The following CRB1 variants were observed in gnomAD, a reference collection of about 807,000 sequenced individuals.
CRB1 encodes the protein protein crumbs homolog 1.
Under a neutral mutation model 120.0 loss-of-function variants are expected in CRB1, and 83 were observed. The ratio of observed to expected loss-of-function variants is 0.69; its 90% CI spans 0.58 to 0.83. The LOEUF is 0.83. CRB1 is among the 40% of genes least tolerant of loss of function. CRB1 has a pLI of 0.00. For missense variants in CRB1, 1,699 were observed against 1,687.6 expected (o/e 1.01, Z -0.12); for synonymous variants, 625 against 612.5 (o/e 1.02, Z -0.30).
chr1:197,250,681 T>A, the CRB1 span, among the ~76,000 whole-genome samples: 5 of 152,162 alleles, frequency 3.3e-5, no homozygotes, highest in East Asian at 9.7e-4. Flanking sequence ...GTTGGTATTA[T>A]AGTACCTGCC....
At chr1:197,339,905 A>T (rs370797449) in intron 2 of CRB1, among the ~76,000 whole-genome samples, 11 of 152,206 alleles carry the variant, frequency 7.2e-5, no homozygotes, top group African/African-American at 2.7e-4. Context: ...TCTGTTTGGC[A>T]TACAGTTTGC....
At chr1:197,273,735 C>T (rs1348547142) in intron 1 of CRB1, among the ~76,000 whole-genome samples, 2 of 151,928 alleles carry the variant, frequency 1.3e-5, no homozygotes, top group South Asian at 2.1e-4. Context: ...CAGTTGGCTC[C>T]TATTTTCTTT....
At chr1:197,222,273 G>A in the CRB1 span, 91 of 574,434 alleles carry the variant, frequency 1.6e-4, no homozygotes, top group South Asian at 1.5e-3. Flanking sequence ...TTGAGGGAAC[G>A]AGTTTAGTTC....
chr1:197,275,160 GTCAGTCATATTGGAGTAGAT>G (rs1655131800), intron 1 of CRB1, among the ~76,000 whole-genome samples: 1 of 151,700 alleles, frequency 6.6e-6, no homozygotes, highest in South Asian at 2.1e-4. Flanking sequence ...TTATAAGGAC[GTCAGTCATATTGGAGTAGAT>G]TCACCCTAAT....
the CRB1 span, among the ~76,000 whole-genome samples, chr1:197,243,411 A>C: frequency 6.6e-6 from 1 of 152,064 alleles, no homozygotes; most frequent in Non-Finnish European, 1.5e-5. Context: ...GAACTTATTT[A>C]TTTCTGCCTT....
the CRB1 span, among the ~76,000 whole-genome samples, chr1:197,210,913 C>T: frequency 4.6e-5 from 7 of 152,048 alleles, no homozygotes; most frequent in African/African-American, 1.4e-4. Flanking sequence ...CAAGCTGTTT[C>T]ACAAGTTTAT....
At chr1:197,311,283 G>A (rs1157747009) in intron 1 of CRB1, among the ~76,000 whole-genome samples, 2 of 152,168 alleles carry the variant, frequency 1.3e-5, no homozygotes, top group East Asian at 3.8e-4. Flanking sequence ...AAATAAGTCA[G>A]AAAGAGAAAT....
chr1:197,470,662 G>T (rs1282657658), intron 11 of CRB1, among the ~76,000 whole-genome samples: 1 of 152,208 alleles, frequency 6.6e-6, no homozygotes, highest in African/African-American at 2.4e-5. Context: ...CAAACCTCTA[G>T]CTGCATCTAT....
At chr1:197,248,231 C>A in the CRB1 span, among the ~76,000 whole-genome samples, 1 of 151,992 alleles carries the variant, frequency 6.6e-6, no homozygotes, top group Non-Finnish European at 1.5e-5. Flanking sequence ...ATTTTCTCAT[C>A]TGCAAATAAT....
intron 1 of CRB1, among the ~76,000 whole-genome samples, chr1:197,322,536 G>T (rs1658263394): frequency 6.6e-6 from 1 of 151,416 alleles, no homozygotes. Flanking sequence ...ATCTATATTT[G>T]GTTAAATATT....
chr1:197,476,036 A>G (rs1386763970), intron 11 of CRB1, among the ~76,000 whole-genome samples: 1 of 151,886 alleles, frequency 6.6e-6, no homozygotes, highest in Non-Finnish European at 1.5e-5. Flanking sequence ...CAGCCTCCCA[A>G]GTCGTTGGGA....
At chr1:197,365,550 G>A (rs928570638) in intron 5 of CRB1, among the ~76,000 whole-genome samples, 5 of 151,758 alleles carry the variant, frequency 3.3e-5, no homozygotes, top group African/African-American at 1.2e-4. Context: ...TCTTTCTCTG[G>A]CTGCTCTTTT....
chr1:197,302,043 G>A (rs927829294), intron 1 of CRB1, among the ~76,000 whole-genome samples: 1 of 152,112 alleles, frequency 6.6e-6, no homozygotes, highest in Non-Finnish European at 1.5e-5. Context: ...TTCTATTGTG[G>A]TTAAAATATT....
At chr1:197,225,152 C>G in the CRB1 span, among the ~76,000 whole-genome samples, 1 of 151,574 alleles carries the variant, frequency 6.6e-6, no homozygotes, top group Non-Finnish European at 1.5e-5. Context: ...CAAGTCCATA[C>G]AATTAATACC....
chr1:197,435,911 G>A (rs1286737062), intron 9 of CRB1, among the ~76,000 whole-genome samples: 1 of 152,098 alleles, frequency 6.6e-6, no homozygotes, highest in Non-Finnish European at 1.5e-5. Flanking sequence ...AAGGCCTCGG[G>A]AAACAAATGC....
At chr1:197,282,068 A>G (rs563950916) in intron 1 of CRB1, among the ~76,000 whole-genome samples, 3 of 136,398 alleles carry the variant, frequency 2.2e-5, no homozygotes, top group Non-Finnish European at 5.1e-5. Flanking sequence ...CATAAAAATG[A>G]AAAAAAAAAG....
intron 11 of CRB1, among the ~76,000 whole-genome samples, chr1:197,461,265 C>A (rs756956535): frequency 5.9e-5 from 9 of 152,146 alleles, no homozygotes; most frequent in Non-Finnish European, 1.2e-4. Flanking sequence ...GGATCAGCTT[C>A]TGTGTGTAAT....
chr1:197,300,931 A>T (rs923527114), intron 1 of CRB1, among the ~76,000 whole-genome samples: 3 of 152,156 alleles, frequency 2.0e-5, no homozygotes, highest in Non-Finnish European at 4.4e-5. Context: ...TCTGTGCTCC[A>T]TAAATGGAAC....
At chr1:197,277,715 CA>C (rs1231235184) in intron 1 of CRB1, among the ~76,000 whole-genome samples, 1 of 151,864 alleles carries the variant, frequency 6.6e-6, no homozygotes, top group African/African-American at 2.4e-5. Context: ...TGAGTTGTGT[CA>C]GTAAATACAG....
Sources: gnomAD v4.1 joint callset for allele counts (sites outside exome capture counted in the v4.1 genomes callset) on GRCh38, gnomAD v4.1.1 for gene constraint, MANE v1.5 for transcripts, NCBI Gene and HGNC (gene_info 2026-07-23, HGNC 2026-07-21) for gene names.